The following KMT2C variants were observed in gnomAD, a reference collection of about 807,000 sequenced individuals.
KMT2C encodes the protein lysine methyltransferase 2C.
KMT2C carries 88 observed loss-of-function variants against 507.9 expected under a neutral mutation model. The observed-to-expected ratio is 0.17, with a 90% CI of 0.15 to 0.21. KMT2C has a LOEUF of 0.21. Among genes scored for constraint, KMT2C ranks in the 10% least tolerant of loss-of-function variants. The pLI is 1.00. For missense variants in KMT2C, 4,954 were observed against 5,957.8 expected, an observed-to-expected ratio of 0.83 and a Z score of 5.55; for synonymous variants, 2,049 against 2,080.8, an observed-to-expected ratio of 0.98 and a Z score of 0.42.
chr7:152,430,956 T>C (rs937981261), intron 1 of KMT2C, among the ~76,000 whole-genome samples: 6 of 152,186 alleles, frequency 3.9e-5, no homozygotes. Context: ...AACCACTATC[T>C]ACCCAGAGAA....
At chr7:152,282,244 C>A (rs1205118063) in intron 6 of KMT2C, among the ~76,000 whole-genome samples, 1 of 151,202 alleles carries the variant, frequency 6.6e-6, no homozygotes, top group African/African-American at 2.4e-5. Context: ...CTGCAGTGAG[C>A]CAAGATTGCG....
At chr7:152,158,074 G>A in intron 44 of KMT2C, 1 of 406,924 alleles carries the variant, frequency 2.5e-6, no homozygotes, top group East Asian at 8.0e-5. Context: ...GAGTAAGTGA[G>A]AGAGACTACA....
chr7:152,435,882 C>T lies in KMT2C; in HGVS notation c.-96G>A, dbSNP rs2097912965. On this transcript the variant is annotated 5_prime_UTR_variant, in exon 1 of 59. Coordinates refer to ENST00000262189, the MANE Select transcript of KMT2C (RefSeq NM_170606.3). ...CGCCGCCGCTGCTGCTCGGGTTCCT[C>T]CTCCCCGGCTCAGCCTCTCGCATTT... The T allele has an allele frequency of 7.6e-7, 1 of 1,321,596 alleles. No homozygotes were observed. Among genetic ancestry groups the T allele is most frequent in the Non-Finnish European group, 9.9e-7 (1 of 1,008,620 alleles). 81.9% of individuals were successfully genotyped at this position (1,321,596 alleles called of 1,614,324 possible).
At chr7:152,415,447 A>T (rs1282857738) in intron 1 of KMT2C, among the ~76,000 whole-genome samples, 1 of 152,184 alleles carries the variant, frequency 6.6e-6, no homozygotes, top group Non-Finnish European at 1.5e-5. Context: ...TTACCTATAC[A>T]ATGAAATGAG....
At chr7:152,351,678 C>T (rs1018381376) in intron 2 of KMT2C, among the ~76,000 whole-genome samples, 2 of 152,126 alleles carry the variant, frequency 1.3e-5, no homozygotes, top group Non-Finnish European at 2.9e-5. Context: ...TTTATTAGAG[C>T]CCCAAAATAA....
chr7:152,186,177 TC>T (rs776516716), intron 33 of KMT2C, among the ~76,000 whole-genome samples: 1 of 152,138 alleles, frequency 6.6e-6, no homozygotes, highest in Non-Finnish European at 1.5e-5. Context: ...AATTATTTAT[TC>T]CACATTACAA....
intron 1 of KMT2C, among the ~76,000 whole-genome samples, chr7:152,361,624 T>C (rs1308140702): frequency 6.6e-6 from 1 of 151,704 alleles, no homozygotes. Flanking sequence ...TAAAATAAAG[T>C]GGAAAGAAGG....
chr7:152,339,856 A>G (rs929865359), intron 2 of KMT2C, among the ~76,000 whole-genome samples: 1 of 152,222 alleles, frequency 6.6e-6, no homozygotes, highest in Non-Finnish European at 1.5e-5. Flanking sequence ...AGATACAAAG[A>G]TTTATAAAAA....
intron 42 of KMT2C, among the ~76,000 whole-genome samples, chr7:152,166,028 T>G (rs2092713032): frequency 6.6e-6 from 1 of 152,116 alleles, no homozygotes; most frequent in Non-Finnish European, 1.5e-5. Flanking sequence ...TGAATCAGTT[T>G]GTAAAATGGG....
Position 152,223,952 on chromosome 7 carries a change from G to T in KMT2C, c.3323+63C>A, listed in dbSNP as rs59239049. On this transcript the variant is annotated intron_variant, in intron 20 of 58. Coordinates refer to ENST00000262189, the MANE Select transcript of KMT2C (RefSeq NM_170606.3). ...ATTAAGGAAAAGCTATTTTCCATTT[G>T]TTTTTTTTTTTGCTACATTTCAAAG... is the stretch of plus-strand genomic sequence containing the variant. 2,149 of 1,023,660 alleles carry T rather than the reference G, an allele frequency of 2.1e-3. 41 individuals are homozygous for T. In the African/African-American group the frequency reaches 0.034, roughly 16 times the overall value. The allele number at this position is 1,023,660 out of a possible 1,614,324, so 63.4% of individuals were successfully genotyped here.
At chr7:152,363,089 C>T (rs2097209796) in intron 1 of KMT2C, among the ~76,000 whole-genome samples, 1 of 152,140 alleles carries the variant, frequency 6.6e-6, no homozygotes, top group South Asian at 2.1e-4. Context: ...TCTTCAAAAC[C>T]CTATCAGTTG....
rs774880666 is a variant in KMT2C, at chr7:152,148,909, C to T, written c.13018G>A (p.Gly4340Ser). 4.2e-5 allele frequency: 68 copies of T among 1,613,866 alleles called. No homozygotes were observed. In the South Asian group the frequency reaches 5.3e-4, roughly 13 times the overall value. The change falls in exon 52 of 59, where the codon GGT becomes AGT. Residue 4340 changes from glycine to serine, a missense_variant. Physicochemically the swap from Gly to Ser is moderately conservative, Grantham distance 56. Around this residue, in one of 29 missense-constraint regions of KMT2C, gnomAD observed 417 missense variants for 461.1 expected, o/e 0.90. Transcript: ENST00000262189. This position sits in a 1 kb window ranked among gnomAD's most constrained non-coding sequence, Gnocchi z 7.1. The stretch of plus-strand genomic sequence containing the variant: ...AGCGGCCTGCAATCTTCAAACCCAC[C>T]ATGGACAGCTCTTAGCCGAGGCTTC... ...KLKPRLRAVH[G>S]GFEDCRPLNK...
At chr7:152,150,791 A>G in intron 51 of KMT2C, 109 bp downstream of exon 51, 1 of 771,096 alleles carries the variant, frequency 1.3e-6, no homozygotes, top group Non-Finnish European at 2.2e-6. Flanking sequence ...TGGATTCCCC[A>G]CACAGAGCTC....
In KMT2C at chr7:152,315,313, A is replaced by G. The variant is rs2096712173; in HGVS notation, c.415T>C (p.Cys139Arg). The G allele has an allele frequency of 1.2e-6, 2 of 1,613,788 alleles. No individual in the cohort carries two copies. The highest frequency in any genetic ancestry group is 1.7e-5 in the Admixed American group (1 of 59,998). The change falls in exon 4 of 59, where the codon TGT becomes CGT. Residue 139 changes from cysteine (C) to arginine (R), a missense_variant. Transcript: ENST00000262189. ...ISEQLCAFCYCGEKSSLGQGD... is the reference protein window; with the variant it reads ...ISEQLCAFCYRGEKSSLGQGD... ...TGTCCTAAGGAACTTTTTTCCCCACAGTAACAAAAAGCGCAGAGCTGTTCA... is the reference window on the plus strand; with the variant it reads ...TGTCCTAAGGAACTTTTTTCCCCACGGTAACAAAAAGCGCAGAGCTGTTCA...
Position 152,315,138 on chromosome 7 carries a change from T to G in KMT2C, c.590A>C (p.Lys197Thr). ...SAPRKQRGQR[K>T]ERSPQQNIVS... Reference sequence around the variant, plus strand: ...AACATTTAAAGTCGAAACTGCTTACTTTCTCTGTCCTCTTTGTTTTCGTGG... The same window carrying G: ...AACATTTAAAGTCGAAACTGCTTACGTTCTCTGTCCTCTTTGTTTTCGTGG... The change falls in exon 4 of 59, where the codon AAA becomes ACA. Residue 197 changes from lysine to threonine, a missense_variant and splice_region_variant. Lys to Thr is a moderately conservative substitution (Grantham distance 78). This residue lies in a region of KMT2C where 233 missense variants were observed against 263.6 expected (regional missense o/e 0.88). Coordinates refer to ENST00000262189, the MANE Select transcript of KMT2C (RefSeq NM_170606.3). The G allele has an allele frequency of 6.2e-7, 1 of 1,613,438 alleles. No homozygotes were observed. The highest frequency in any genetic ancestry group is 1.3e-5 in the African/African-American group (1 of 74,986).
intron 7 of KMT2C, among the ~76,000 whole-genome samples, chr7:152,267,037 C>G (rs1454131686): frequency 6.6e-6 from 1 of 152,250 alleles, no homozygotes; most frequent in Non-Finnish European, 1.5e-5. Flanking sequence ...CATGGCAACT[C>G]TCTCCTAATT....
At chr7:152,345,759 G>A (rs201403040) in intron 2 of KMT2C, among the ~76,000 whole-genome samples, 2 of 152,110 alleles carry the variant, frequency 1.3e-5, no homozygotes, top group African/African-American at 2.4e-5. Context: ...GACCTCAGGC[G>A]ATCCACCTGC....
intron 1 of KMT2C, among the ~76,000 whole-genome samples, chr7:152,412,838 T>C (rs1171355386): frequency 2.0e-5 from 3 of 152,230 alleles, no homozygotes; most frequent in Non-Finnish European, 4.4e-5. Context: ...AGAAATTACT[T>C]TTTTCAGATC....
intron 14 of KMT2C, among the ~76,000 whole-genome samples, chr7:152,244,385 T>G (rs1289127320): frequency 1.3e-5 from 2 of 151,972 alleles, no homozygotes; most frequent in African/African-American, 4.8e-5. Flanking sequence ...CCTATAAAAA[T>G]GCTGAAAAAT....
Sources: gnomAD v4.1 joint callset for allele counts (sites outside exome capture counted in the v4.1 genomes callset) on GRCh38, gnomAD v4.1.1 for gene constraint, gnomAD v4.1.1 regional missense constraint, Gnocchi (gnomAD v3.1) non-coding constraint, MANE v1.5 for transcripts, NCBI Gene and HGNC (gene_info 2026-07-23, HGNC 2026-07-21) for gene names.